The following TBL1XR1 variants were observed in gnomAD, a reference collection of about 807,000 sequenced individuals.
TBL1XR1 encodes the protein F-box-like/WD repeat-containing protein TBL1XR1.
A neutral mutation model predicts 66.9 loss-of-function variants in TBL1XR1; 5 were observed. The ratio of observed to expected loss-of-function variants is 0.07; its 90% CI spans 0.04 to 0.16. TBL1XR1 has a LOEUF of 0.16. Among genes scored for constraint, TBL1XR1 ranks in the 10% least tolerant of loss-of-function variants. TBL1XR1 has a pLI of 1.00. For synonymous variants in TBL1XR1, 210 were observed against 206.0 expected (o/e 1.02, Z -0.17); for missense variants, 238 against 623.2 (o/e 0.38, Z 6.58).
chr3:177,042,363 T>A (rs529784629), intron 10 of TBL1XR1, among the ~76,000 whole-genome samples: 42 of 152,218 alleles, frequency 2.8e-4, no homozygotes, highest in Admixed American at 2.7e-3. Context: ...CAGGGCAGCC[T>A]GCAAAATGTT....
chr3:177,112,896 G>A (rs184968321), intron 1 of TBL1XR1, among the ~76,000 whole-genome samples: 1 of 151,956 alleles, frequency 6.6e-6, no homozygotes, highest in Non-Finnish European at 1.5e-5. Flanking sequence ...GCAGCTACTC[G>A]GGAGGCTGAG....
chr3:177,049,218 C>T (rs1716721580), intron 7 of TBL1XR1, among the ~76,000 whole-genome samples: 1 of 151,912 alleles, frequency 6.6e-6, no homozygotes, highest in Non-Finnish European at 1.5e-5. Flanking sequence ...AGAAAGTCCA[C>T]AAAGGGTTGT....
intron 1 of TBL1XR1, among the ~76,000 whole-genome samples, chr3:177,124,855 T>TA (rs1403822418): frequency 6.6e-6 from 1 of 152,114 alleles, no homozygotes; most frequent in East Asian, 1.9e-4. Flanking sequence ...CAAATGGTGT[T>TA]ACGACAACTG....
chr3:177,044,355 T>A (rs546631128), intron 10 of TBL1XR1, among the ~76,000 whole-genome samples: 5 of 152,276 alleles, frequency 3.3e-5, no homozygotes, highest in African/African-American at 1.2e-4. Flanking sequence ...TACCAACTAA[T>A]AGCCAGCTGC....
At chr3:177,094,189 A>C (rs192593439) in intron 2 of TBL1XR1, among the ~76,000 whole-genome samples, 23 of 152,256 alleles carry the variant, frequency 1.5e-4, no homozygotes, top group African/African-American at 5.5e-4. Context: ...ACAATTCTCA[A>C]AAGATATACA....
rs111696369 is a variant in TBL1XR1, at chr3:177,038,450, G to C, written c.926-16C>G. The C allele has an allele frequency of 2.3e-5, 34 of 1,501,700 alleles. No individual in the cohort carries two copies. The African/African-American group carries it at 3.8e-4, about 17-fold the overall frequency. The allele number at this position is 1,501,700 out of a possible 1,614,324, so 93.0% of individuals were successfully genotyped here. On this transcript the variant is annotated splice_polypyrimidine_tract_variant and intron_variant, in intron 10 of 15. Transcript: ENST00000457928. ...AATGCTGGTGCTGCAAAGGAACAAA[G>C]GTTAGATTTGCTTTTATTCCACATG...
chr3:177,037,964 C>A, intron 12 of TBL1XR1, 134 bp downstream of exon 12: 1 of 653,870 alleles, frequency 1.5e-6, no homozygotes. Flanking sequence ...AATGGTTAGC[C>A]ATTTAAAATG....
intron 2 of TBL1XR1, chr3:177,079,701 T>A (rs1294872442): frequency 6.6e-6 from 1 of 151,522 alleles, no homozygotes; most frequent in Non-Finnish European, 1.5e-5. Flanking sequence ...ATTGGGTCTA[T>A]ATAATCAATT....
At chr3:177,126,801 C>G (rs1727684454) in intron 1 of TBL1XR1, among the ~76,000 whole-genome samples, 1 of 81,516 alleles carries the variant, frequency 1.2e-5, no homozygotes, top group East Asian at 4.0e-4. Context: ...TTGATTTCAT[C>G]CCCCATTTTC....
chr3:177,160,099 T>C (rs1244931314), intron 1 of TBL1XR1, among the ~76,000 whole-genome samples: 2 of 152,104 alleles, frequency 1.3e-5, no homozygotes, highest in Admixed American at 1.3e-4. Context: ...AAAATAATAG[T>C]ACTTTCTCAA....
At chr3:177,083,066 T>C (rs1721641872) in intron 2 of TBL1XR1, among the ~76,000 whole-genome samples, 1 of 151,780 alleles carries the variant, frequency 6.6e-6, no homozygotes, top group Admixed American at 6.6e-5. Flanking sequence ...CGCTAATAAT[T>C]CCACAATAAA....
rs372203519 is a variant in TBL1XR1 at position 177,111,855 on chromosome 3, C to G, written c.-121-13314G>C. Among the ~76,000 whole-genome samples the G allele has an allele frequency of 3.1e-4, 47 of 151,434 alleles. 1 individual carries two copies. Among genetic ancestry groups the G allele is most frequent in the Admixed American group, 1.8e-3 (28 of 15,176 alleles). On this transcript the variant is annotated intron_variant, in intron 1 of 15. Coordinates refer to ENST00000457928, the MANE Select transcript of TBL1XR1 (RefSeq NM_024665.7). ...ACGGTTTAGGGAACCTTTTACAATG[C>G]ACCTGGGTCCTCATCCCAACTCTGC...
chr3:177,185,238 T>C (rs1250310476), intron 1 of TBL1XR1, among the ~76,000 whole-genome samples: 1 of 152,220 alleles, frequency 6.6e-6, no homozygotes, highest in Non-Finnish European at 1.5e-5. Flanking sequence ...ACAACAAGCA[T>C]ATATAAATAC....
chr3:177,140,759 G>A (rs1425383592), intron 1 of TBL1XR1, among the ~76,000 whole-genome samples: 1 of 152,166 alleles, frequency 6.6e-6, no homozygotes, highest in African/African-American at 2.4e-5. Flanking sequence ...GTAAATAATA[G>A]TCATAACAGT....
intron 1 of TBL1XR1, among the ~76,000 whole-genome samples, chr3:177,137,935 A>G (rs1729186894): frequency 6.6e-6 from 1 of 152,222 alleles, no homozygotes; most frequent in African/African-American, 2.4e-5. Context: ...ATACCACTGT[A>G]CTCCAAACTG....
intron 2 of TBL1XR1, 106 bp downstream of exon 2, chr3:177,098,360 G>T: frequency 2.1e-6 from 1 of 469,486 alleles, no homozygotes. Flanking sequence ...TACTTAGCTT[G>T]GGAACACATG....
chr3:177,050,659 C>G, intron 5 of TBL1XR1, 49 bp from the exon 6 acceptor site: 1 of 1,606,434 alleles, frequency 6.2e-7, no homozygotes. Flanking sequence ...AGTATTACAA[C>G]ATGGTGGATG....
At chr3:177,084,786 C>A (rs1403265626) in intron 2 of TBL1XR1, among the ~76,000 whole-genome samples, 1 of 152,252 alleles carries the variant, frequency 6.6e-6, no homozygotes, top group African/African-American at 2.4e-5. Flanking sequence ...TAACAGGAAA[C>A]TCCAATGCCA....
chr3:177,044,172 A>T (rs1243518057), intron 10 of TBL1XR1, among the ~76,000 whole-genome samples: 1 of 152,158 alleles, frequency 6.6e-6, no homozygotes, highest in Non-Finnish European at 1.5e-5. Context: ...TTCATCTCAC[A>T]TGTTGTTTAA....
Sources: allele counts gnomAD v4.1 joint callset (sites outside exome capture counted in the v4.1 genomes callset), GRCh38; gene constraint gnomAD v4.1.1; transcripts MANE v1.5; gene names NCBI Gene and HGNC (gene_info 2026-07-23, HGNC 2026-07-21).